Variants in OR1J2 observed in about 807,000 individuals in gnomAD.
OR1J2 encodes olfactory receptor family 1 subfamily J member 2.
For synonymous variants in OR1J2, 142 were observed against 99.7 expected (o/e 1.42, Z -2.52); for missense variants, 304 against 246.1 (o/e 1.24, Z -1.57).
the OR1J2 span, among the ~76,000 whole-genome samples, chr9:122,485,738 C>T: frequency 6.6e-6 from 1 of 152,158 alleles, no homozygotes; most frequent in Admixed American, 6.5e-5. Context: ...AGAACAAATG[C>T]ACTGGCTTTC....
chr9:122,573,664 G>C, the OR1J2 span, among the ~76,000 whole-genome samples: 2 of 152,094 alleles, frequency 1.3e-5, no homozygotes, highest in Non-Finnish European at 1.5e-5. Context: ...GATATGTTTT[G>C]TGCAAATATT....
chr9:122,568,797 G>A, the OR1J2 span: 282 of 228,392 alleles, frequency 1.2e-3, 2 homozygotes, highest in East Asian at 3.3e-3. Context: ...ACCTGCCGGG[G>A]ACATAGCAAT....
chr9:122,461,185 T>C, the OR1J2 span, among the ~76,000 whole-genome samples: 3 of 152,206 alleles, frequency 2.0e-5, no homozygotes, highest in African/African-American at 7.2e-5. Context: ...ATCCTTGTTT[T>C]GTTCCAGTTC....
chr9:122,524,850 A>G, the OR1J2 span, among the ~76,000 whole-genome samples: 2 of 152,172 alleles, frequency 1.3e-5, no homozygotes, highest in Non-Finnish European at 2.9e-5. Flanking sequence ...CCTCATGTCC[A>G]CTAGCTGTGT....
the OR1J2 span, among the ~76,000 whole-genome samples, chr9:122,483,046 G>A: frequency 6.6e-6 from 1 of 152,224 alleles, no homozygotes; most frequent in Middle Eastern, 3.4e-3. Flanking sequence ...AATGAATGAG[G>A]TGATGGATAT....
the OR1J2 span, among the ~76,000 whole-genome samples, chr9:122,563,124 A>G: frequency 1.3e-5 from 2 of 151,854 alleles, no homozygotes; most frequent in East Asian, 1.9e-4. Context: ...GTACTAATTT[A>G]TATTCTCACC....
At chr9:122,536,914 C>T in the OR1J2 span, among the ~76,000 whole-genome samples, 1 of 152,124 alleles carries the variant, frequency 6.6e-6, no homozygotes, top group South Asian at 2.1e-4. Context: ...TTCCACTGAT[C>T]TATATGTCTA....
At chr9:122,467,591 C>A in the OR1J2 span, among the ~76,000 whole-genome samples, 1 of 152,104 alleles carries the variant, frequency 6.6e-6, no homozygotes, top group Non-Finnish European at 1.5e-5. Flanking sequence ...CATAGTGTAC[C>A]TCTTATTAAA....
the OR1J2 span, chr9:122,477,885 G>T: frequency 6.2e-7 from 1 of 1,611,770 alleles, no homozygotes; most frequent in Non-Finnish European, 8.5e-7. Context: ...GGAGGCCCAG[G>T]AGGAGGAACT....
chr9:122,505,472 C>T, the OR1J2 span, among the ~76,000 whole-genome samples: 1,350 of 152,138 alleles, frequency 8.9e-3, 20 homozygotes, highest in African/African-American at 0.031. Context: ...CCCTCAAGAC[C>T]CAATCACCTC....
chr9:122,546,210 G>A, the OR1J2 span, among the ~76,000 whole-genome samples: 1 of 152,152 alleles, frequency 6.6e-6, no homozygotes, highest in Admixed American at 6.6e-5. Flanking sequence ...GAGGGGCCGA[G>A]TCTATTTTGA....
At chr9:122,522,443 A>G in the OR1J2 span, among the ~76,000 whole-genome samples, 2 of 152,234 alleles carry the variant, frequency 1.3e-5, no homozygotes, top group Non-Finnish European at 2.9e-5. Flanking sequence ...TTAAGAGTAA[A>G]CAAAAATTAT....
chr9:122,486,557 C>T, the OR1J2 span, among the ~76,000 whole-genome samples: 1 of 152,116 alleles, frequency 6.6e-6, no homozygotes, highest in Non-Finnish European at 1.5e-5. Context: ...GTCAGTAATA[C>T]TGATAATAAA....
chr9:122,568,106 A>G, the OR1J2 span: 4 of 1,614,010 alleles, frequency 2.5e-6, no homozygotes, highest in Non-Finnish European at 8.5e-7. Flanking sequence ...AGACGGCCAC[A>G]TAGCGGTCAA....
At chr9:122,526,675 C>A in the OR1J2 span, 1 of 1,614,002 alleles carries the variant, frequency 6.2e-7, no homozygotes, top group Non-Finnish European at 8.5e-7. Context: ...AAAAAGGGGA[C>A]GATGAGTACG....
chr9:122,508,219 A>T (rs1437159036), upstream of OR1J2, among the ~76,000 whole-genome samples: 4 of 151,668 alleles, frequency 2.6e-5, no homozygotes, highest in East Asian at 7.7e-4. Flanking sequence ...GAGGAGGAGG[A>T]GGAAAAGGAG....
At chr9:122,534,765 G>C in the OR1J2 span, among the ~76,000 whole-genome samples, 1 of 152,120 alleles carries the variant, frequency 6.6e-6, no homozygotes. Context: ...AAAGAAGGAA[G>C]ATTTCGGACG....
At chr9:122,466,772 C>T in the OR1J2 span, among the ~76,000 whole-genome samples, 1 of 152,146 alleles carries the variant, frequency 6.6e-6, no homozygotes, top group Non-Finnish European at 1.5e-5. Context: ...GATTTTCCCA[C>T]TTCTCCCACT....
chr9:122,518,629 T>C, the OR1J2 span, among the ~76,000 whole-genome samples: 2 of 152,236 alleles, frequency 1.3e-5, no homozygotes, highest in Non-Finnish European at 2.9e-5. Flanking sequence ...ATAGACAAGT[T>C]TTTTTTCTCA....
Sources: gnomAD v4.1 joint callset for allele counts (sites outside exome capture counted in the v4.1 genomes callset) on GRCh38, gnomAD v4.1.1 for gene constraint, MANE v1.5 for transcripts, NCBI Gene and HGNC (gene_info 2026-07-23, HGNC 2026-07-21) for gene names.